Variants in SLC39A11 observed in about 807,000 individuals in gnomAD.
The protein encoded by SLC39A11 is zinc transporter ZIP11.
SLC39A11 carries 33 observed loss-of-function variants against 36.1 expected under a neutral mutation model. The observed-to-expected ratio is 0.91, with a 90% CI of 0.69 to 1.22. The LOEUF is 1.22. SLC39A11 is among the 50% of genes most tolerant of loss of function. SLC39A11 has a pLI of 0.00. For missense variants in SLC39A11, 432 were observed against 430.3 expected, an observed-to-expected ratio of 1.00 and a Z score of -0.03; for synonymous variants, 166 against 170.3, an observed-to-expected ratio of 0.97 and a Z score of 0.20.
chr17:72,889,488 G>C (rs1275267934), intron 5 of SLC39A11, among the ~76,000 whole-genome samples: 1 of 151,602 alleles, frequency 6.6e-6, no homozygotes, highest in Admixed American at 6.6e-5. Context: ...AGTGAGCTGA[G>C]ATCGTGCCAC....
chr17:72,746,087 A>T (rs1360237737), intron 6 of SLC39A11, among the ~76,000 whole-genome samples: 1 of 152,220 alleles, frequency 6.6e-6, no homozygotes, highest in African/African-American at 2.4e-5. Flanking sequence ...AGGAAGGTCA[A>T]GGGTGTCCTT....
At chr17:72,832,050 T>C (rs1167199198) in intron 6 of SLC39A11, among the ~76,000 whole-genome samples, 3 of 152,326 alleles carry the variant, frequency 2.0e-5, no homozygotes, top group East Asian at 1.9e-4. Context: ...TGTTGGCATA[T>C]GACAAACCTT....
chr17:72,832,916 A>T (rs1340825964), intron 6 of SLC39A11, among the ~76,000 whole-genome samples: 1 of 152,216 alleles, frequency 6.6e-6, no homozygotes, highest in East Asian at 1.9e-4. Flanking sequence ...GGGCCACCTC[A>T]ACAGAGGAGG....
intron 3 of SLC39A11, among the ~76,000 whole-genome samples, chr17:73,047,555 A>G (rs529989169): frequency 3.3e-5 from 5 of 152,080 alleles, no homozygotes; most frequent in Admixed American, 6.6e-5. Context: ...TGTTATTCCT[A>G]TTTCTCATAT....
chr17:72,903,082 T>C (rs1228773474), intron 5 of SLC39A11, among the ~76,000 whole-genome samples: 1 of 151,796 alleles, frequency 6.6e-6, no homozygotes, highest in Non-Finnish European at 1.5e-5. Context: ...CCTGACCAAA[T>C]GATGAAACCC....
At chr17:72,681,155 G>A (rs1051812330) in intron 7 of SLC39A11, among the ~76,000 whole-genome samples, 12 of 152,084 alleles carry the variant, frequency 7.9e-5, no homozygotes, top group East Asian at 3.9e-4. Flanking sequence ...TTGAACTCCC[G>A]ACCTCAGGTG....
At chr17:72,800,190 G>A (rs1229409474) in intron 6 of SLC39A11, among the ~76,000 whole-genome samples, 4 of 152,110 alleles carry the variant, frequency 2.6e-5, no homozygotes, top group Non-Finnish European at 5.9e-5. Flanking sequence ...CCTGAGGCAG[G>A]AGGAATACCA....
chr17:72,685,607 TC>T (rs2071710869), intron 7 of SLC39A11, among the ~76,000 whole-genome samples: 1 of 152,112 alleles, frequency 6.6e-6, no homozygotes, highest in African/African-American at 2.4e-5. Context: ...TTTTACCAGG[TC>T]CCCCTCATAC....
At chr17:73,089,522 G>C (rs1156644758) in intron 1 of SLC39A11, among the ~76,000 whole-genome samples, 1 of 152,144 alleles carries the variant, frequency 6.6e-6, no homozygotes, top group Non-Finnish European at 1.5e-5. Flanking sequence ...TCACGACCAA[G>C]GCTTTTCTGG....
At chr17:72,755,047 G>C (rs2075317618) in intron 6 of SLC39A11, among the ~76,000 whole-genome samples, 1 of 117,744 alleles carries the variant, frequency 8.5e-6, no homozygotes, top group Non-Finnish European at 1.7e-5. Flanking sequence ...AATTAGGCAG[G>C]GCCAGTGTGT....
chr17:72,806,935 G>A (rs747095543), intron 6 of SLC39A11, among the ~76,000 whole-genome samples: 1 of 152,142 alleles, frequency 6.6e-6, no homozygotes, highest in Non-Finnish European at 1.5e-5. Flanking sequence ...GAATGCTGAC[G>A]AGTCACCAGT....
chr17:72,656,483 T>C (rs747995109), intron 7 of SLC39A11, among the ~76,000 whole-genome samples: 2 of 149,546 alleles, frequency 1.3e-5, no homozygotes, highest in Non-Finnish European at 3.0e-5. Context: ...GTGTGTAGAG[T>C]GGGACAGGAG....
chr17:72,705,238 A>T (rs182645900), intron 7 of SLC39A11, among the ~76,000 whole-genome samples: 29 of 152,340 alleles, frequency 1.9e-4, no homozygotes, highest in African/African-American at 7.0e-4. Flanking sequence ...CACTATAATG[A>T]TACTTTTATA....
chr17:72,940,636 CATCCTGCAT>C (rs2085046976), intron 5 of SLC39A11, among the ~76,000 whole-genome samples: 1 of 152,136 alleles, frequency 6.6e-6, no homozygotes, highest in Admixed American at 6.5e-5. Flanking sequence ...ACTCTTTTTT[CATCCTGCAT>C]AGTCTGCATT....
At chr17:73,052,061 T>C (rs2059523096) in intron 3 of SLC39A11, among the ~76,000 whole-genome samples, 1 of 151,818 alleles carries the variant, frequency 6.6e-6, no homozygotes, top group African/African-American at 2.4e-5. Context: ...CAAAATGAGC[T>C]CATCTGTGTT....
intron 4 of SLC39A11, among the ~76,000 whole-genome samples, chr17:72,949,575 C>T (rs1322706639): frequency 1.3e-5 from 2 of 151,974 alleles, no homozygotes; most frequent in Admixed American, 6.6e-5. Flanking sequence ...ACGGCACAGG[C>T]TAGCTATGGA....
intron 4 of SLC39A11, among the ~76,000 whole-genome samples, chr17:72,974,660 T>C (rs960179156): frequency 2.0e-5 from 3 of 152,200 alleles, no homozygotes; most frequent in Admixed American, 6.5e-5. Flanking sequence ...ATATTTTGAT[T>C]GCTTTAGTGT....
intron 7 of SLC39A11, among the ~76,000 whole-genome samples, chr17:72,729,442 TATATATATATATATA>T (rs1567995093): frequency 4.9e-3 from 28 of 5,718 alleles, no homozygotes; most frequent in African/African-American, 0.018. Flanking sequence ...TATATATATA[TATATATATATATATA>T]TTTTTTTTTT....
rs576058168 is a variant in SLC39A11, at chr17:72,696,955, C to A, written c.671+39695G>T. Among the ~76,000 whole-genome samples the A allele has an allele frequency of 7.9e-5, 12 of 152,336 alleles. No individual in the cohort carries two copies. In the South Asian group the frequency reaches 2.5e-3, roughly 32 times the overall value. ...AACTTAGGACCCTGGCCCGAGACTG[C>A]TGATTATGTGTCTGGGCCCAATGTG... is the stretch of plus-strand genomic sequence containing the variant. On this transcript the variant is annotated intron_variant, in intron 7 of 9. Coordinates refer to ENST00000255559, the MANE Select transcript of SLC39A11 (RefSeq NM_139177.4).
Sources: gnomAD v4.1 joint callset for allele counts (sites outside exome capture counted in the v4.1 genomes callset) on GRCh38, gnomAD v4.1.1 for gene constraint, MANE v1.5 for transcripts, NCBI Gene and HGNC (gene_info 2026-07-23, HGNC 2026-07-21) for gene names.